MBNL1: variants seen among roughly 807,000 people sequenced by gnomAD.
MBNL1 encodes the protein muscleblind like splicing regulator 1, also known as muscleblind-like protein 1.
MBNL1 carries 8 observed loss-of-function variants against 42.2 expected under a neutral mutation model. The ratio of observed to expected loss-of-function variants is 0.19; its 90% CI spans 0.11 to 0.34. MBNL1 has a LOEUF of 0.34. Among genes scored for constraint, MBNL1 ranks in the 10% least tolerant of loss-of-function variants. MBNL1 has a pLI of 1.00. For missense variants in MBNL1, 309 were observed against 495.3 expected, an observed-to-expected ratio of 0.62 and a Z score of 3.57; for synonymous variants, 169 against 173.9, an observed-to-expected ratio of 0.97 and a Z score of 0.22.
At chr3:152,376,764 C>T (rs1369170) in intron 2 of MBNL1, among the ~76,000 whole-genome samples, 10,803 of 152,012 alleles carry the variant, frequency 0.071, 496 homozygotes, top group Middle Eastern at 0.16. Flanking sequence ...GGGTGCCACG[C>T]ACTCTCTCTA....
chr3:152,268,905 A>G (rs1349044816), upstream of MBNL1: 1 of 455,166 alleles, frequency 2.2e-6, no homozygotes. Flanking sequence ...CTCGGCGATA[A>G]GAGGCTGCAC....
intron 2 of MBNL1, among the ~76,000 whole-genome samples, chr3:152,371,366 G>T (rs1368244357): frequency 6.6e-6 from 1 of 152,204 alleles, no homozygotes; most frequent in East Asian, 1.9e-4. Flanking sequence ...GGGAGGCTGA[G>T]GCTGGCAGAT....
chr3:152,450,903 T>C (rs1223971492), intron 6 of MBNL1, among the ~76,000 whole-genome samples: 1 of 152,240 alleles, frequency 6.6e-6, no homozygotes. Flanking sequence ...TAAAGGAAAT[T>C]CATCTTACCA....
chr3:152,424,661 C>T (rs2098880038), intron 3 of MBNL1, among the ~76,000 whole-genome samples: 1 of 152,034 alleles, frequency 6.6e-6, no homozygotes, highest in Non-Finnish European at 1.5e-5. Context: ...GGAGGCATCA[C>T]ACTACCTGAC....
At chr3:152,275,729 A>T (rs1238430312) in intron 1 of MBNL1, among the ~76,000 whole-genome samples, 1 of 151,100 alleles carries the variant, frequency 6.6e-6, no homozygotes, top group East Asian at 1.9e-4. Context: ...AAAAAAAAAA[A>T]AAAAGGCTAA....
intron 2 of MBNL1, among the ~76,000 whole-genome samples, chr3:152,374,702 CAT>C (rs1486634481): frequency 1.3e-5 from 2 of 152,164 alleles, no homozygotes; most frequent in African/African-American, 4.8e-5. Context: ...GGATCTGAAA[CAT>C]GTAAAAATAA....
intron 2 of MBNL1, among the ~76,000 whole-genome samples, chr3:152,394,061 G>A (rs762044307): frequency 3.9e-5 from 6 of 151,990 alleles, no homozygotes; most frequent in African/African-American, 9.7e-5. Flanking sequence ...TTTCCAAAAC[G>A]AACCTACCAT....
chr3:152,344,851 G>C (rs1321970935), intron 2 of MBNL1, among the ~76,000 whole-genome samples: 1 of 151,840 alleles, frequency 6.6e-6, no homozygotes, highest in Non-Finnish European at 1.5e-5. Flanking sequence ...TTTTCTTCCT[G>C]CTCTCTCTGT....
At chr3:152,317,479 C>T (rs1235048023) in intron 2 of MBNL1, among the ~76,000 whole-genome samples, 1 of 151,954 alleles carries the variant, frequency 6.6e-6, no homozygotes, top group Non-Finnish European at 1.5e-5. Context: ...ACCACCATGC[C>T]GGGCTAATTT....
intron 4 of MBNL1, among the ~76,000 whole-genome samples, chr3:152,437,643 C>G (rs1177794438): frequency 6.6e-6 from 1 of 152,082 alleles, no homozygotes; most frequent in African/African-American, 2.4e-5. Context: ...ATACATATAT[C>G]TATAAGCATA....
chr3:152,387,576 G>A (rs2097502982), intron 2 of MBNL1, among the ~76,000 whole-genome samples: 1 of 152,072 alleles, frequency 6.6e-6, no homozygotes, highest in Non-Finnish European at 1.5e-5. Context: ...TTCTGTAAAA[G>A]TGTTCCTTTC....
At chr3:152,399,194 T>C (rs1388943170) in intron 2 of MBNL1, among the ~76,000 whole-genome samples, 2 of 152,180 alleles carry the variant, frequency 1.3e-5, no homozygotes, top group African/African-American at 2.4e-5. Flanking sequence ...TGAATAAATA[T>C]ACAAATGAGC....
At chr3:152,341,969 T>C (rs2093332953) in intron 2 of MBNL1, among the ~76,000 whole-genome samples, 1 of 152,226 alleles carries the variant, frequency 6.6e-6, no homozygotes, top group African/African-American at 2.4e-5. Context: ...TAGTAATGTA[T>C]GGATTACCTT....
chr3:152,422,268 C>CAAAAA (rs200584264), intron 3 of MBNL1, among the ~76,000 whole-genome samples: 4 of 103,030 alleles, frequency 3.9e-5, no homozygotes, highest in Non-Finnish European at 6.0e-5. Context: ...AAATGGAAAG[C>CAAAAA]AAAAAAAAAA....
At chr3:152,290,191 T>G (rs1484748123) in intron 1 of MBNL1, among the ~76,000 whole-genome samples, 2 of 152,088 alleles carry the variant, frequency 1.3e-5, no homozygotes, top group South Asian at 4.1e-4. Context: ...TGTGGTCAGA[T>G]TTAGTGGGTA....
intron 2 of MBNL1, among the ~76,000 whole-genome samples, chr3:152,313,262 G>T (rs925653320): frequency 1.3e-5 from 2 of 151,988 alleles, no homozygotes; most frequent in African/African-American, 4.8e-5. Context: ...TGACCTTGTT[G>T]TCTGCCTGCC....
At position 152,415,136 on chromosome 3, in the gene MBNL1, CAT is replaced by C. The variant is rs751039462; in HGVS notation, c.345+26_345+27del. On this transcript the variant is annotated intron_variant, in intron 3 of 9. Coordinates refer to ENST00000324210, the MANE Select transcript of MBNL1 (RefSeq NM_021038.5). ...GGTAAGCATGTTTTCAGTCTTCACT[CAT>C]TAAGTTTTTGATTCAAAGTGCTCAG... 76 of 1,539,050 alleles carry C rather than the reference CAT, an allele frequency of 4.9e-5. No homozygotes were observed. In the Admixed American group the frequency reaches 1.7e-3, roughly 35 times the overall value.
chr3:152,329,693 T>C (rs1404670166), intron 2 of MBNL1, among the ~76,000 whole-genome samples: 2 of 145,000 alleles, frequency 1.4e-5, no homozygotes, highest in African/African-American at 5.0e-5. Flanking sequence ...ATATCTTATA[T>C]ATTATATATA....
At chr3:152,327,540 GTT>G (rs1011516993) in intron 2 of MBNL1, among the ~76,000 whole-genome samples, 2 of 151,942 alleles carry the variant, frequency 1.3e-5, no homozygotes, top group Non-Finnish European at 2.9e-5. Flanking sequence ...TAGAGATGGG[GTT>G]TCACCCATGT....
Sources: allele counts gnomAD v4.1 joint callset (sites outside exome capture counted in the v4.1 genomes callset), GRCh38; gene constraint gnomAD v4.1.1; transcripts MANE v1.5; gene names NCBI Gene and HGNC (gene_info 2026-07-23, HGNC 2026-07-21).